Variants in TTC6 observed in about 807,000 individuals in gnomAD.
TTC6 encodes the protein tetratricopeptide repeat domain 6, also known as tetratricopeptide repeat protein 6.
In TTC6, 172 loss-of-function variants were observed where a neutral mutation model predicts 210.4. That is an observed-to-expected ratio of 0.82 (90% CI 0.72 to 0.93). TTC6 has a LOEUF of 0.93. Ranked by LOEUF, TTC6 falls within the 40% of genes least tolerant of loss-of-function variation. The pLI is 0.00. For missense variants in TTC6, 2,414 were observed against 2,318.1 expected, an observed-to-expected ratio of 1.04 and a Z score of -0.85; for synonymous variants, 804 against 819.6, an observed-to-expected ratio of 0.98 and a Z score of 0.32.
intron 3 of TTC6, among the ~76,000 whole-genome samples, chr14:37,687,371 G>A (rs1391596791): frequency 3.3e-5 from 5 of 152,112 alleles, no homozygotes; most frequent in Non-Finnish European, 7.4e-5. Context: ...AACATGCTTG[G>A]AGGCTCCAAA....
intron 29 of TTC6, among the ~76,000 whole-genome samples, chr14:37,830,495 AT>A (rs1338145710): frequency 6.6e-6 from 1 of 151,188 alleles, no homozygotes; most frequent in African/African-American, 2.4e-5. Flanking sequence ...TTTATTCTTA[AT>A]TTTTTTATTT....
At chr14:37,771,330 C>T (rs1371915116) in intron 14 of TTC6, among the ~76,000 whole-genome samples, 3 of 151,660 alleles carry the variant, frequency 2.0e-5, no homozygotes, top group Admixed American at 6.6e-5. Flanking sequence ...CTCTGTATTT[C>T]CTGAATCTGA....
At chr14:37,795,729 T>C (rs2096091263) in intron 18 of TTC6, among the ~76,000 whole-genome samples, 2 of 152,170 alleles carry the variant, frequency 1.3e-5, no homozygotes, top group African/African-American at 4.8e-5. Context: ...AAACCTCTGC[T>C]AATTCAGTGA....
At chr14:37,644,872 C>A (rs1192104706) in intron 1 of TTC6, among the ~76,000 whole-genome samples, 1 of 152,070 alleles carries the variant, frequency 6.6e-6, no homozygotes, top group Non-Finnish European at 1.5e-5. Context: ...GGTTGGGATC[C>A]TTGATTTGTG....
At chr14:37,639,770 A>G (rs1351106556) in intron 1 of TTC6, among the ~76,000 whole-genome samples, 1 of 150,464 alleles carries the variant, frequency 6.6e-6, no homozygotes, top group East Asian at 1.9e-4. Flanking sequence ...CCTGTAATCC[A>G]AGCTACTCGG....
At chr14:37,815,637 A>G (rs758692927) in intron 25 of TTC6, among the ~76,000 whole-genome samples, 1 of 152,156 alleles carries the variant, frequency 6.6e-6, no homozygotes, top group Non-Finnish European at 1.5e-5. Context: ...CCCCTGGTAT[A>G]TAGAGCTGAT....
chr14:37,782,513 T>G (rs900154414), intron 14 of TTC6, among the ~76,000 whole-genome samples: 18 of 152,196 alleles, frequency 1.2e-4, no homozygotes, highest in Non-Finnish European at 2.5e-4. Flanking sequence ...CTTATCAGCT[T>G]AAGGAGATTT....
chr14:37,773,988 T>A (rs933469125), intron 14 of TTC6, among the ~76,000 whole-genome samples: 1 of 152,178 alleles, frequency 6.6e-6, no homozygotes, highest in African/African-American at 2.4e-5. Context: ...CCTAGTTAGC[T>A]GTATTCCTAG....
At chr14:37,604,672 A>T (rs1956429) in intron 1 of TTC6, among the ~76,000 whole-genome samples, 84,886 of 151,736 alleles carry the variant, frequency 0.56, 24,549 homozygotes, top group East Asian at 0.86. Context: ...GGCACCCGGG[A>T]AGGAGAGGGG....
chr14:37,705,090 T>TA (rs1400013411), intron 5 of TTC6, among the ~76,000 whole-genome samples: 1 of 152,110 alleles, frequency 6.6e-6, no homozygotes, highest in Non-Finnish European at 1.5e-5. Flanking sequence ...AATGCTGTCC[T>TA]ACAAACATTG....
At chr14:37,787,505 T>C in exon 15 of TTC6, 6 of 1,529,738 alleles carry the variant, frequency 3.9e-6, no homozygotes, top group Non-Finnish European at 5.3e-6. Flanking sequence ...ATGGAAATTT[T>C]ATAAAGAAGC....
intron 7 of TTC6, among the ~76,000 whole-genome samples, chr14:37,725,537 A>T (rs935084680): frequency 9.3e-5 from 14 of 150,900 alleles, no homozygotes; most frequent in Non-Finnish European, 1.9e-4. Context: ...TTTAGTGGAG[A>T]TGGGGTTTCT....
chr14:37,769,946 A>C (rs1458423680), intron 14 of TTC6, among the ~76,000 whole-genome samples: 1 of 151,896 alleles, frequency 6.6e-6, no homozygotes, highest in Non-Finnish European at 1.5e-5. Flanking sequence ...ATTTAGTGCT[A>C]TAAATTTCCC....
chr14:37,711,910 T>C (rs1182534072), intron 5 of TTC6, among the ~76,000 whole-genome samples: 1 of 151,812 alleles, frequency 6.6e-6, no homozygotes, highest in Non-Finnish European at 1.5e-5. Context: ...GAGGAAGAGA[T>C]TGGTGATGAA....
intron 2 of TTC6, among the ~76,000 whole-genome samples, chr14:37,681,976 G>A (rs539511895): frequency 6.6e-6 from 1 of 152,152 alleles, no homozygotes; most frequent in African/African-American, 2.4e-5. Context: ...TGGCCAATGG[G>A]GTGTGAAGGA....
chr14:37,615,003 T>G (rs1452090612), intron 2 of TTC6, among the ~76,000 whole-genome samples: 1 of 152,166 alleles, frequency 6.6e-6, no homozygotes, highest in East Asian at 1.9e-4. Context: ...TGCCTGGGCC[T>G]CCCAAAGTGC....
chr14:37,691,405 C>G (rs900635686), intron 3 of TTC6, among the ~76,000 whole-genome samples: 1 of 152,076 alleles, frequency 6.6e-6, no homozygotes, highest in Non-Finnish European at 1.5e-5. Context: ...ATTCTGGAAA[C>G]TATACACATT....
intron 14 of TTC6, among the ~76,000 whole-genome samples, chr14:37,771,607 G>T (rs1322520286): frequency 6.6e-6 from 1 of 151,986 alleles, no homozygotes; most frequent in Admixed American, 6.6e-5. Flanking sequence ...GGCTCCTGAG[G>T]CTTCTGCATT....
intron 2 of TTC6, among the ~76,000 whole-genome samples, chr14:37,610,159 G>A (rs1595005124): frequency 6.6e-6 from 1 of 152,304 alleles, no homozygotes; most frequent in East Asian, 1.9e-4. Context: ...TGTTTCTACA[G>A]CAGGAGCTAC....
Sources: gnomAD v4.1 joint callset for allele counts (sites outside exome capture counted in the v4.1 genomes callset) on GRCh38, gnomAD v4.1.1 for gene constraint, MANE v1.5 for transcripts, NCBI Gene and HGNC (gene_info 2026-07-23, HGNC 2026-07-21) for gene names.